ADAMTSL3: variants seen among roughly 807,000 people sequenced by gnomAD.
ADAMTSL3 encodes the protein ADAMTS-like protein 3.
Under a neutral mutation model 201.7 loss-of-function variants are expected in ADAMTSL3, and 128 were observed. The observed-to-expected ratio is 0.63, with a 90% confidence interval of 0.55 to 0.73. ADAMTSL3 has a LOEUF of 0.73. Ranked by LOEUF, ADAMTSL3 falls within the 30% of genes least tolerant of loss-of-function variation. The pLI, the probability that ADAMTSL3 is intolerant of heterozygous loss-of-function variation, is 0.00. For synonymous variants in ADAMTSL3, 738 were observed against 748.4 expected (o/e 0.99, Z 0.23); for missense variants, 1,990 against 2,119.6 (o/e 0.94, Z 1.20).
intron 4 of ADAMTSL3, among the ~76,000 whole-genome samples, chr15:83,786,727 C>A (rs547292253): frequency 6.6e-6 from 1 of 152,106 alleles, no homozygotes; most frequent in Non-Finnish European, 1.5e-5. Context: ...TGATATCTGG[C>A]TAATTCTTAC....
In ADAMTSL3 at chr15:83,821,481, A is replaced by C. The variant is rs575876697; in HGVS notation, c.600+1434A>C. On this transcript the variant is annotated intron_variant, in intron 6 of 29. Transcript: ENST00000286744. ...GCTGCCTTCAAGCATCTGTTTAACA[A>C]AGCACGTCTTGCACCGCCCTTAATC... is the stretch of plus-strand genomic sequence containing the variant. 1.5e-3 allele frequency among the ~76,000 whole-genome samples: 225 copies of C among 151,760 alleles called. 2 individuals carry two copies. Among genetic ancestry groups the C allele is most frequent in the African/African-American group, 5.4e-3 (222 of 41,334 alleles).
chr15:83,858,576 T>C (rs187217213), intron 7 of ADAMTSL3, among the ~76,000 whole-genome samples, 190 bp from the exon 8 acceptor site: 95 of 152,324 alleles, frequency 6.2e-4, no homozygotes, highest in African/African-American at 2.1e-3. Flanking sequence ...TTTCACCATC[T>C]TGGCCAGGCT....
chr15:83,754,354 C>G (rs909209036), intron 3 of ADAMTSL3, among the ~76,000 whole-genome samples: 1 of 152,040 alleles, frequency 6.6e-6, no homozygotes, highest in East Asian at 1.9e-4. Context: ...AAATATTGCT[C>G]GCAGGAATGC....
chr15:83,858,717 G>A (rs760907973), intron 7 of ADAMTSL3, 49 bp from the exon 8 acceptor site: 10 of 1,425,332 alleles, frequency 7.0e-6, no homozygotes, highest in Non-Finnish European at 9.8e-6. Flanking sequence ...CATTTTCATG[G>A]GCCTTTAGTG....
rs183108755 is a variant in ADAMTSL3, at chr15:84,034,646, A to G, written c.4755-2127A>G. Among the ~76,000 whole-genome samples, 4 of 152,310 alleles carry G rather than the reference A, an allele frequency of 2.6e-5. No individual in the cohort carries two copies. The East Asian group carries it at 7.7e-4, about 29-fold the overall frequency. ...AATAAAGATGCTTGGGCCTCACCTC[A>G]GGCAGTGAATCAGAACCTTCATGAG... is the stretch of plus-strand genomic sequence containing the variant. On this transcript the variant is annotated intron_variant, in intron 28 of 29. Transcript: ENST00000286744.
intron 3 of ADAMTSL3, among the ~76,000 whole-genome samples, chr15:83,743,369 C>T (rs958392532): frequency 5.9e-5 from 9 of 151,768 alleles, no homozygotes; most frequent in Middle Eastern, 6.8e-3. Flanking sequence ...AAAAATTAGC[C>T]GGGCGCGGTG....
intron 3 of ADAMTSL3, among the ~76,000 whole-genome samples, chr15:83,725,050 C>T (rs2062153277): frequency 6.6e-6 from 1 of 151,396 alleles, no homozygotes; most frequent in African/African-American, 2.4e-5. Context: ...ATACTGATTT[C>T]CTTTCTTTTG....
chr15:83,726,156 G>T (rs949119430), intron 3 of ADAMTSL3, among the ~76,000 whole-genome samples: 1 of 151,830 alleles, frequency 6.6e-6, no homozygotes, highest in Admixed American at 6.6e-5. Context: ...TTATTTGTAG[G>T]TATTGTGAAT....
intron 28 of ADAMTSL3, among the ~76,000 whole-genome samples, chr15:84,033,384 G>C (rs2068443605): frequency 6.6e-6 from 1 of 152,158 alleles, no homozygotes; most frequent in Admixed American, 6.5e-5. Flanking sequence ...TGCTTGGCTG[G>C]GCATGGTGGC....
At chr15:83,824,222 A>G (rs1229150035) in intron 6 of ADAMTSL3, among the ~76,000 whole-genome samples, 3 of 151,342 alleles carry the variant, frequency 2.0e-5, no homozygotes, top group Non-Finnish European at 4.4e-5. Flanking sequence ...TTTTTGCTTG[A>G]TTTTTGTAGA....
intron 2 of ADAMTSL3, among the ~76,000 whole-genome samples, chr15:83,691,009 G>T (rs2061601632): frequency 6.6e-6 from 1 of 152,156 alleles, no homozygotes; most frequent in Non-Finnish European, 1.5e-5. Context: ...CTTTTATCGT[G>T]AGGTTATTCT....
rs191375803 is a variant in ADAMTSL3 at position 83,715,575 on chromosome 15, G to A, written c.189+11067G>A. The stretch of plus-strand genomic sequence containing the variant: ...TCCACCAGGCTTTGAGCCCCTAGGG[G>A]CAGGGACTATGTCTTCTCATCACTA... On this transcript the variant is annotated intron_variant, in intron 3 of 29. Transcript: ENST00000286744. 5.5e-4 allele frequency among the ~76,000 whole-genome samples: 84 copies of A among 152,260 alleles called. 1 individual carries two copies. The highest frequency in any genetic ancestry group is 1.2e-3 in the Admixed American group (19 of 15,294).
intron 19 of ADAMTSL3, among the ~76,000 whole-genome samples, chr15:83,961,087 G>A (rs2066960868): frequency 6.6e-6 from 1 of 151,932 alleles, no homozygotes; most frequent in Non-Finnish European, 1.5e-5. Context: ...GAGACTATAA[G>A]ACAACAGAAG....
chr15:83,945,489 A>G (rs1327404776), intron 19 of ADAMTSL3, among the ~76,000 whole-genome samples: 1 of 152,182 alleles, frequency 6.6e-6, no homozygotes, highest in Non-Finnish European at 1.5e-5. Flanking sequence ...TTCCTTTGAG[A>G]CTAGGTCAGG....
chr15:83,864,667 G>A (rs967880463), intron 8 of ADAMTSL3, among the ~76,000 whole-genome samples: 2 of 152,026 alleles, frequency 1.3e-5, no homozygotes, highest in African/African-American at 4.8e-5. Context: ...ATACTGAATG[G>A]GCAAAAACTG....
intron 23 of ADAMTSL3, among the ~76,000 whole-genome samples, chr15:83,995,647 T>C (rs2067673420): frequency 6.6e-6 from 1 of 152,082 alleles, no homozygotes; most frequent in Non-Finnish European, 1.5e-5. Flanking sequence ...ACTACAAAAA[T>C]TTCTTCTTAT....
chr15:83,834,559 A>C (rs7172049), intron 6 of ADAMTSL3, among the ~76,000 whole-genome samples: 47,939 of 152,158 alleles, frequency 0.32, 8,263 homozygotes, highest in East Asian at 0.59. Flanking sequence ...CATTTGGACT[A>C]GTGCCACTTA....
intron 9 of ADAMTSL3, among the ~76,000 whole-genome samples, chr15:83,878,481 G>A (rs1172300960): frequency 6.6e-6 from 1 of 152,108 alleles, no homozygotes; most frequent in Non-Finnish European, 1.5e-5. Context: ...GGGTGTGGTG[G>A]CATGTGCCTG....
intron 3 of ADAMTSL3, among the ~76,000 whole-genome samples, chr15:83,730,603 A>T (rs1367252998): frequency 6.8e-6 from 1 of 146,350 alleles, no homozygotes; most frequent in Non-Finnish European, 1.5e-5. Context: ...TATAATGGTT[A>T]GGAGCATTTA....
Sources: gnomAD v4.1 joint callset for allele counts (sites outside exome capture counted in the v4.1 genomes callset) on GRCh38, gnomAD v4.1.1 for gene constraint, MANE v1.5 for transcripts, NCBI Gene and HGNC (gene_info 2026-07-23, HGNC 2026-07-21) for gene names.